SLC25A26: variants seen among roughly 807,000 people sequenced by gnomAD.
The protein encoded by SLC25A26 is mitochondrial S-adenosylmethionine carrier protein.
A neutral mutation model predicts 37.8 loss-of-function variants in SLC25A26; 36 were observed. The ratio of observed to expected loss-of-function variants is 0.95; its 90% CI spans 0.73 to 1.26. The LOEUF (loss-of-function observed/expected upper bound fraction) is 1.26, where lower values mean the gene tolerates loss of function less well. Among genes scored for constraint, SLC25A26 ranks in the 50% most tolerant of loss-of-function variants. SLC25A26 has a pLI of 0.00. For missense variants in SLC25A26, 390 were observed against 331.1 expected (o/e 1.18, Z -1.38); for synonymous variants, 129 against 122.5 (o/e 1.05, Z -0.35).
intron 5 of SLC25A26, among the ~76,000 whole-genome samples, chr3:66,333,849 A>AAC (rs958058701): frequency 2.0e-5 from 3 of 152,020 alleles, no homozygotes; most frequent in Admixed American, 1.3e-4. Context: ...AAAACAAACA[A>AAC]AAAACACACA....
intron 1 of SLC25A26, among the ~76,000 whole-genome samples, chr3:66,188,539 C>G (rs1487090638): frequency 2.0e-5 from 3 of 152,144 alleles, no homozygotes; most frequent in Admixed American, 2.0e-4. Context: ...CACTCCCTCT[C>G]TCTCCATGTG....
chr3:66,355,460 G>A (rs893906582), intron 6 of SLC25A26, among the ~76,000 whole-genome samples: 6 of 152,072 alleles, frequency 3.9e-5, no homozygotes. Context: ...TATCAGTTAG[G>A]TATATCCATT....
At chr3:66,231,832 C>T (rs985597086) in intron 1 of SLC25A26, among the ~76,000 whole-genome samples, 91 of 145,268 alleles carry the variant, frequency 6.3e-4, no homozygotes, top group African/African-American at 2.2e-3. Context: ...AGGGCAGTGG[C>T]GTGATCATAG....
chr3:66,377,520 A>G (rs1700740910), intron 9 of SLC25A26, among the ~76,000 whole-genome samples, 170 bp from the exon 10 acceptor site: 1 of 151,994 alleles, frequency 6.6e-6, no homozygotes, highest in African/African-American at 2.4e-5. Context: ...AAAGTTTTAG[A>G]ACTACTGTTG....
intron 6 of SLC25A26, among the ~76,000 whole-genome samples, chr3:66,360,318 A>C (rs913429222): frequency 6.6e-6 from 1 of 152,204 alleles, no homozygotes; most frequent in Non-Finnish European, 1.5e-5. Flanking sequence ...TATATTAAAG[A>C]GGTCTTTTTT....
intron 5 of SLC25A26, among the ~76,000 whole-genome samples, chr3:66,285,273 T>A (rs1430389435): frequency 1.3e-5 from 2 of 151,978 alleles, no homozygotes; most frequent in Non-Finnish European, 2.9e-5. Flanking sequence ...TATTATTATT[T>A]TTTTTAAAAA....
chr3:66,313,773 G>T (rs536908030), intron 5 of SLC25A26, among the ~76,000 whole-genome samples: 5 of 152,242 alleles, frequency 3.3e-5, no homozygotes, highest in African/African-American at 1.2e-4. Flanking sequence ...TTATCCATTT[G>T]TTTGTGTCCT....
rs1553647343 is a variant in SLC25A26 at position 66,150,508 on chromosome 3, A to AAT, written c.-354+16536_-354+16537dup. ...GCAAGACTCTATCTCAAGACAAAAA[A>AAT]ATATATATATATAATGATATATATA... On this transcript the variant is annotated intron_variant, in intron 1 of 10. Transcript: ENST00000676754. Among the ~76,000 whole-genome samples the AAT allele has an allele frequency of 5.0e-5, 6 of 120,270 alleles. No individual in the cohort carries two copies. In the South Asian group the frequency reaches 7.7e-4, roughly 15 times the overall value. 78.9% of individuals were successfully genotyped at this position (120,270 alleles called of 152,430 possible). A position where few individuals can be genotyped will look rare whatever the true frequency, so the allele number is the denominator to read the frequency against.
chr3:66,218,822 C>T (rs1363129247), upstream of SLC25A26, among the ~76,000 whole-genome samples: 1 of 152,206 alleles, frequency 6.6e-6, no homozygotes, highest in Non-Finnish European at 1.5e-5. Flanking sequence ...TAGCACTAAT[C>T]TGCCAGTTAT....
chr3:66,206,393 C>T (rs1226750225), intron 1 of SLC25A26, among the ~76,000 whole-genome samples: 1 of 152,128 alleles, frequency 6.6e-6, no homozygotes, highest in Non-Finnish European at 1.5e-5. Context: ...CAGTTGTGCA[C>T]CATTTAAGCC....
intron 5 of SLC25A26, among the ~76,000 whole-genome samples, chr3:66,296,916 C>T (rs921120657): frequency 5.3e-5 from 8 of 152,250 alleles, no homozygotes; most frequent in African/African-American, 1.7e-4. Context: ...GAAGGCTTGA[C>T]TGGCGTAGGC....
In SLC25A26 at chr3:66,270,167, C is replaced by T. The variant is rs368002276; in HGVS notation, c.453+6788C>T. On this transcript the variant is annotated intron_variant, in intron 5 of 9. Transcript: ENST00000354883. Reference sequence around the variant, plus strand: ...TGAGACAGGTGATGAAATACCAAAGCGTATATACTTTTCTAAGATTTCAGT... The same window carrying T: ...TGAGACAGGTGATGAAATACCAAAGTGTATATACTTTTCTAAGATTTCAGT... Among the ~76,000 whole-genome samples, 11 of 152,136 alleles carry T rather than the reference C, an allele frequency of 7.2e-5. No homozygotes were observed. In the East Asian group the frequency reaches 9.7e-4, roughly 13 times the overall value.
chr3:66,148,003 C>T (rs955655920), intron 1 of SLC25A26, among the ~76,000 whole-genome samples: 3 of 152,052 alleles, frequency 2.0e-5, no homozygotes, highest in Non-Finnish European at 4.4e-5. Flanking sequence ...GTGATCCGCC[C>T]ACCTCAGCCT....
At chr3:66,311,761 C>T (rs1016968375) in intron 5 of SLC25A26, among the ~76,000 whole-genome samples, 2 of 152,144 alleles carry the variant, frequency 1.3e-5, no homozygotes, top group African/African-American at 4.8e-5. Context: ...TGCTGCAGGT[C>T]TGCTGGAGTT....
At chr3:66,309,992 A>G (rs2075331949) in intron 5 of SLC25A26, among the ~76,000 whole-genome samples, 1 of 152,018 alleles carries the variant, frequency 6.6e-6, no homozygotes, top group Non-Finnish European at 1.5e-5. Flanking sequence ...TGGGGTGGAG[A>G]GTTCTGTAGA....
intron 1 of SLC25A26, among the ~76,000 whole-genome samples, chr3:66,138,343 C>T (rs911844886): frequency 2.5e-4 from 38 of 152,138 alleles, no homozygotes; most frequent in African/African-American, 8.7e-4. Flanking sequence ...CCTTCAGACA[C>T]ATCACACTCC....
rs1559623604 is a variant in SLC25A26, at chr3:66,256,570, T to C, written c.301-5481T>C. ...TTTCCCTACTCTTTACATAAGTATA[T>C]GTATAGGCAATAAATATATGTAGAG... On this transcript the variant is annotated intron_variant, in intron 3 of 9. Transcript: ENST00000354883. 2.6e-5 allele frequency among the ~76,000 whole-genome samples: 4 copies of C among 152,272 alleles called. No homozygotes were observed. In the East Asian group the frequency reaches 5.8e-4, roughly 22 times the overall value.
intron 6 of SLC25A26, among the ~76,000 whole-genome samples, chr3:66,351,561 T>C (rs149155910): frequency 1.3e-5 from 2 of 152,158 alleles, no homozygotes; most frequent in Admixed American, 1.3e-4. Flanking sequence ...TGCATGTTTA[T>C]AGCTCCATGG....
At chr3:66,180,455 G>A (rs2070681334) in intron 1 of SLC25A26, among the ~76,000 whole-genome samples, 1 of 152,172 alleles carries the variant, frequency 6.6e-6, no homozygotes, top group Non-Finnish European at 1.5e-5. Flanking sequence ...ACCAGCATCA[G>A]AAACTATAAA....
Sources: allele counts gnomAD v4.1 joint callset (sites outside exome capture counted in the v4.1 genomes callset), GRCh38; gene constraint gnomAD v4.1.1; transcripts MANE v1.5; gene names NCBI Gene and HGNC (gene_info 2026-07-23, HGNC 2026-07-21).